TEAD1: variants seen among roughly 807,000 people sequenced by gnomAD.
TEAD1 encodes the protein TEA domain transcription factor 1, also known as transcriptional enhancer factor TEF-1.
TEAD1 carries 9 observed loss-of-function variants against 54.9 expected under a neutral mutation model. The observed-to-expected ratio is 0.16, with a 90% CI of 0.10 to 0.29. The LOEUF (loss-of-function observed/expected upper bound fraction) is 0.29. TEAD1 is among the 10% of genes least tolerant of loss of function. The pLI is 1.00. For synonymous variants in TEAD1, 200 were observed against 187.8 expected (o/e 1.07, Z -0.53); for missense variants, 387 against 535.9 (o/e 0.72, Z 2.74).
chr11:12,917,361 T>A (rs1425152701), intron 10 of TEAD1, among the ~76,000 whole-genome samples: 1 of 152,158 alleles, frequency 6.6e-6, no homozygotes, highest in Non-Finnish European at 1.5e-5. Context: ...CCCTTCTAGT[T>A]CCTTGATCTT....
intron 10 of TEAD1, chr11:12,922,685 T>G (rs1948831869): frequency 1.3e-5 from 2 of 152,052 alleles, no homozygotes; most frequent in African/African-American, 2.4e-5. Context: ...TCTCAGCACT[T>G]AGAGTGGCTG....
At chr11:12,857,740 T>C (rs1564965989) in intron 3 of TEAD1, among the ~76,000 whole-genome samples, 1 of 152,142 alleles carries the variant, frequency 6.6e-6, no homozygotes, top group East Asian at 1.9e-4. Context: ...ATGATCAAAA[T>C]CCAGGGCTGT....
chr11:12,901,789 A>G (rs1470054970), intron 9 of TEAD1, 151 bp from the exon 10 acceptor site: 1 of 871,354 alleles, frequency 1.1e-6, no homozygotes, highest in Non-Finnish European at 1.9e-6. Context: ...CGCTTTTCTA[A>G]ACATACTCAT....
intron 3 of TEAD1, among the ~76,000 whole-genome samples, chr11:12,791,249 A>G (rs1308136639): frequency 6.6e-6 from 1 of 152,190 alleles, no homozygotes; most frequent in African/African-American, 2.4e-5. Flanking sequence ...AGTTTGGTCT[A>G]TGTTTAAGGA....
chr11:12,927,234 C>A, intron 11 of TEAD1, among the ~76,000 whole-genome samples: 1 of 152,166 alleles, frequency 6.6e-6, no homozygotes, highest in Admixed American at 6.5e-5. Flanking sequence ...TGTGTGTCTG[C>A]ATTTGGTGTG....
intron 2 of TEAD1, among the ~76,000 whole-genome samples, chr11:12,748,040 C>T (rs1158700823): frequency 2.6e-5 from 4 of 151,462 alleles, no homozygotes; most frequent in Admixed American, 2.6e-4. Flanking sequence ...TGGCTCACTG[C>T]AACCTCCACC....
intron 2 of TEAD1, among the ~76,000 whole-genome samples, chr11:12,692,501 C>G (rs1469465383): frequency 6.6e-6 from 1 of 152,088 alleles, no homozygotes; most frequent in African/African-American, 2.4e-5. Context: ...CCCTCACCCA[C>G]CACCCCGGCT....
intron 2 of TEAD1, among the ~76,000 whole-genome samples, chr11:12,691,428 G>C (rs1388198549): frequency 6.6e-6 from 1 of 152,130 alleles, no homozygotes; most frequent in Admixed American, 6.5e-5. Flanking sequence ...TAGGTTCTCT[G>C]CTTTTTTTCT....
chr11:12,914,266 G>T (rs576829175), intron 10 of TEAD1, among the ~76,000 whole-genome samples: 72 of 152,278 alleles, frequency 4.7e-4, no homozygotes, highest in Admixed American at 7.8e-4. Flanking sequence ...TCAAATAGGG[G>T]TGCCAATCTG....
intron 3 of TEAD1, among the ~76,000 whole-genome samples, chr11:12,811,337 A>C (rs1051332149): frequency 6.6e-6 from 1 of 152,248 alleles, no homozygotes; most frequent in African/African-American, 2.4e-5. Context: ...GGTTGGAACC[A>C]CTAAGTAACC....
At chr11:12,926,549 C>T (rs1039344490) in intron 11 of TEAD1, among the ~76,000 whole-genome samples, 1 of 152,004 alleles carries the variant, frequency 6.6e-6, no homozygotes, top group African/African-American at 2.4e-5. Context: ...ATAAGGTGTT[C>T]AAGAGGAAAT....
chr11:12,875,818 A>G (rs949231110), intron 5 of TEAD1, among the ~76,000 whole-genome samples: 1 of 152,232 alleles, frequency 6.6e-6, no homozygotes, highest in Non-Finnish European at 1.5e-5. Flanking sequence ...TCTTCTCACT[A>G]GTAGTTTCCT....
intron 2 of TEAD1, among the ~76,000 whole-genome samples, chr11:12,727,629 G>A (rs1049632125): frequency 3.9e-5 from 6 of 152,158 alleles, no homozygotes; most frequent in East Asian, 3.9e-4. Flanking sequence ...ACTGTATACC[G>A]ATAGTTCAAA....
chr11:12,810,042 G>A lies in TEAD1; in HGVS notation c.202+45608G>A, dbSNP rs117817186. Among the ~76,000 whole-genome samples the A allele has an allele frequency of 1.5e-4, 20 of 136,100 alleles. No homozygotes were observed. In the East Asian group the frequency reaches 3.0e-3, roughly 21 times the overall value. The allele number at this position is 136,100 out of a possible 152,430, so 89.3% of individuals were successfully genotyped here. A position where few individuals can be genotyped will look rare whatever the true frequency, so the allele number is the denominator to read the frequency against. On this transcript the variant is annotated intron_variant, in intron 3 of 12. Transcript: ENST00000527636. ...GTCGTCCAGGCTGTAGTGCAGTTGT[G>A]CAATCTTAGCTCACTGCAAGCTCCA...
chr11:12,799,941 C>T (rs1564944104), intron 3 of TEAD1, among the ~76,000 whole-genome samples: 1 of 152,120 alleles, frequency 6.6e-6, no homozygotes, highest in Admixed American at 6.5e-5. Context: ...TATCAGATGC[C>T]ACAAGAAATA....
At chr11:12,904,842 C>A in intron 10 of TEAD1, 1 of 357,964 alleles carries the variant, frequency 2.8e-6, no homozygotes, top group Admixed American at 3.7e-5. Flanking sequence ...CGTACATGAT[C>A]ACCAAACTGC....
intron 10 of TEAD1, among the ~76,000 whole-genome samples, chr11:12,917,865 C>T (rs1302580215): frequency 2.6e-5 from 4 of 152,180 alleles, no homozygotes; most frequent in East Asian, 1.9e-4. Context: ...CACTGCAGAA[C>T]CTGGCCTATG....
intron 9 of TEAD1, among the ~76,000 whole-genome samples, chr11:12,895,203 C>CCA (rs1554947130): frequency 3.3e-5 from 5 of 152,116 alleles, no homozygotes; most frequent in Admixed American, 3.3e-4. Flanking sequence ...TTATTAACCC[C>CCA]CCCCGGGTAT....
chr11:12,736,267 G>A (rs1388734542), intron 2 of TEAD1, among the ~76,000 whole-genome samples: 1 of 152,138 alleles, frequency 6.6e-6, no homozygotes, highest in Non-Finnish European at 1.5e-5. Flanking sequence ...AGCCTTTTAA[G>A]ACCAAAGGCT....
Sources: gnomAD v4.1 joint callset for allele counts (sites outside exome capture counted in the v4.1 genomes callset) on GRCh38, gnomAD v4.1.1 for gene constraint, MANE v1.5 for transcripts, NCBI Gene and HGNC (gene_info 2026-07-23, HGNC 2026-07-21) for gene names.